The following NRIP1 variants were observed in gnomAD, a reference collection of about 807,000 sequenced individuals.
The protein encoded by NRIP1 is nuclear receptor-interacting protein 1.
A neutral mutation model predicts 75.0 loss-of-function variants in NRIP1; 28 were observed. The observed-to-expected ratio is 0.37, with a 90% CI of 0.28 to 0.51. The LOEUF is 0.51. Ranked by LOEUF, NRIP1 falls within the 20% of genes least tolerant of loss-of-function variation. NRIP1 has a pLI of 0.92. For synonymous variants in NRIP1, 526 were observed against 487.6 expected, an observed-to-expected ratio of 1.08 and a Z score of -1.04; for missense variants, 1,435 against 1,343.7, an observed-to-expected ratio of 1.07 and a Z score of -1.06.
At chr21:14,990,238 T>G (rs2087531859) in intron 3 of NRIP1, among the ~76,000 whole-genome samples, 1 of 152,200 alleles carries the variant, frequency 6.6e-6, no homozygotes, top group African/African-American at 2.4e-5. Context: ...TGGTTTATTT[T>G]CTTCTTTTCT....
At chr21:15,008,751 C>T (rs1262759525) in intron 3 of NRIP1, among the ~76,000 whole-genome samples, 2 of 152,204 alleles carry the variant, frequency 1.3e-5, no homozygotes, top group Non-Finnish European at 2.9e-5. Flanking sequence ...CAGCAGTCCT[C>T]AAAGGGTGGT....
chr21:14,966,090 A>T lies in NRIP1; in HGVS notation c.2103T>A (p.Ser701=). Residue 701 remains serine (S), a synonymous_variant, in exon 4 of 4, where the codon TCT becomes TCA. Coordinates refer to ENST00000318948, the MANE Select transcript of NRIP1 (RefSeq NM_003489.4). ...PTGPEPGLSG[S]EIENLLERRT... ...GTCTTTCAAGCAGATTTTCTATTTC[A>T]GAACCAGAAAGCCCTGGTTCAGGAC... 6.2e-7 allele frequency: 1 copy of T among 1,612,222 alleles called. No individual in the cohort carries two copies. The highest frequency in any genetic ancestry group is 1.1e-5 in the South Asian group (1 of 91,064).
intron 3 of NRIP1, among the ~76,000 whole-genome samples, chr21:14,993,307 A>T (rs1329953050): frequency 2.0e-5 from 3 of 152,054 alleles, no homozygotes; most frequent in Non-Finnish European, 4.4e-5. Flanking sequence ...TGTATTGGTT[A>T]CTCAGAGGAC....
intron 1 of NRIP1, among the ~76,000 whole-genome samples, chr21:15,060,638 C>G (rs1378593506): frequency 6.6e-6 from 1 of 152,014 alleles, no homozygotes; most frequent in African/African-American, 2.4e-5. Flanking sequence ...ATGCTGGTAC[C>G]CAATTTTGAT....
intron 3 of NRIP1, among the ~76,000 whole-genome samples, chr21:14,973,638 A>G (rs1317745812): frequency 6.6e-6 from 1 of 151,652 alleles, no homozygotes; most frequent in Non-Finnish European, 1.5e-5. Context: ...CTAAATTTTG[A>G]TTTCAGTATT....
chr21:14,962,182 T>A lies in NRIP1; in HGVS notation c.*2534A>T, dbSNP rs2086610619. The A allele has an allele frequency of 6.6e-6, 1 of 151,604 alleles. No individual in the cohort carries two copies. The highest frequency in any genetic ancestry group is 1.5e-5 in the Non-Finnish European group (1 of 67,808). The allele number at this position is 151,604 out of a possible 1,614,324, so 9.4% of individuals were successfully genotyped here. ...TATTAGAAGAAATTGTCTAGATATC[T>A]AAAATAGTCCTTGAAAATGTGTATA... is the stretch of plus-strand genomic sequence containing the variant. On this transcript the variant is annotated 3_prime_UTR_variant, in exon 4 of 4. Coordinates refer to ENST00000318948, the MANE Select transcript of NRIP1 (RefSeq NM_003489.4).
In NRIP1 at chr21:14,997,007, A is replaced by C. The variant is rs570365659; in HGVS notation, c.-335+17337T>G. Among the ~76,000 whole-genome samples, 22 of 152,250 alleles carry C rather than the reference A, an allele frequency of 1.4e-4. No homozygotes were observed. The South Asian group carries it at 4.3e-3, about 30-fold the overall frequency. ...ATAAAACTTCACTTAAACTCAAATCAAATCATAAGGCATTTCGGATATTTC... is the reference window on the plus strand; with the variant it reads ...ATAAAACTTCACTTAAACTCAAATCCAATCATAAGGCATTTCGGATATTTC... On this transcript the variant is annotated intron_variant, in intron 3 of 3. Transcript: ENST00000318948.
intron 1 of NRIP1, among the ~76,000 whole-genome samples, chr21:15,049,479 T>C (rs1168111263): frequency 6.6e-6 from 1 of 152,080 alleles, no homozygotes; most frequent in African/African-American, 2.4e-5. Context: ...TTTAGCTTTG[T>C]AAAATGCAAT....
chr21:15,057,774 T>C (rs531139078), intron 1 of NRIP1, among the ~76,000 whole-genome samples: 2 of 152,312 alleles, frequency 1.3e-5, no homozygotes, highest in Admixed American at 1.3e-4. Context: ...TCAGACTAGG[T>C]TTCCTTATCT....
chr21:15,008,896 T>C (rs139703694), intron 3 of NRIP1, among the ~76,000 whole-genome samples: 19 of 152,342 alleles, frequency 1.2e-4, no homozygotes, highest in African/African-American at 4.3e-4. Flanking sequence ...AGAGGCTATA[T>C]ACATGGAATG....
intron 1 of NRIP1, among the ~76,000 whole-genome samples, chr21:15,061,120 G>T (rs2089414410): frequency 6.6e-6 from 1 of 152,130 alleles, no homozygotes. Flanking sequence ...CTCATATCCT[G>T]CAAGACCCTA....
At chr21:15,025,383 G>C (rs1429519605) in intron 2 of NRIP1, among the ~76,000 whole-genome samples, 1 of 152,136 alleles carries the variant, frequency 6.6e-6, no homozygotes, top group Non-Finnish European at 1.5e-5. Flanking sequence ...ATGTCAAAAA[G>C]ATACTGAAGG....
At chr21:14,973,043 T>A (rs1482791550) in intron 3 of NRIP1, among the ~76,000 whole-genome samples, 2 of 152,232 alleles carry the variant, frequency 1.3e-5, no homozygotes, top group African/African-American at 4.8e-5. Context: ...TTGAATCCTC[T>A]GGTTTGTTAT....
At chr21:14,972,962 G>A (rs903903077) in intron 3 of NRIP1, among the ~76,000 whole-genome samples, 6 of 152,176 alleles carry the variant, frequency 3.9e-5, no homozygotes, top group Non-Finnish European at 7.3e-5. Flanking sequence ...GCTTGGCCTG[G>A]GGGTTGGGAA....
At chr21:14,999,187 G>C (rs1244421392) in intron 3 of NRIP1, among the ~76,000 whole-genome samples, 1 of 152,012 alleles carries the variant, frequency 6.6e-6, no homozygotes, top group Admixed American at 6.6e-5. Flanking sequence ...ATGGTGCCCA[G>C]ACTGATCTTG....
At chr21:15,031,427 ACT>A (rs1568994220) in intron 2 of NRIP1, among the ~76,000 whole-genome samples, 1 of 125,024 alleles carries the variant, frequency 8.0e-6, no homozygotes, top group African/African-American at 3.1e-5. Context: ...ATGTGTATAC[ACT>A]CTGGAAGGCG....
chr21:14,975,798 G>A (rs1478863862), intron 3 of NRIP1, among the ~76,000 whole-genome samples: 1 of 151,604 alleles, frequency 6.6e-6, no homozygotes, highest in Non-Finnish European at 1.5e-5. Flanking sequence ...TTTTTTTAAA[G>A]GACAGTTGGG....
chr21:14,968,528 TA>T lies in NRIP1; in HGVS notation c.-334-3del, dbSNP rs1193018356. On this transcript the variant is annotated splice_polypyrimidine_tract_variant and splice_region_variant and intron_variant, in intron 3 of 3. Coordinates refer to ENST00000318948, the MANE Select transcript of NRIP1 (RefSeq NM_003489.4). ...CCATTAAATGCAAATATCAGTGTTC[TA>T]AAAAAAATAAAAATAAGAATAGTTA... 15 of 202,288 alleles carry T rather than the reference TA, an allele frequency of 7.4e-5. No individual in the cohort carries two copies. Among genetic ancestry groups the T allele is most frequent in the East Asian group, 2.7e-4 (2 of 7,378 alleles). 12.5% of individuals were successfully genotyped at this position (202,288 alleles called of 1,614,324 possible).
chr21:14,967,183 A>G lies in NRIP1; in HGVS notation c.1010T>C (p.Met337Thr). The G allele has an allele frequency of 5.6e-6, 9 of 1,614,106 alleles. No homozygotes were observed. The highest frequency in any genetic ancestry group is 7.6e-6 in the Non-Finnish European group (9 of 1,179,988). The change falls in exon 4 of 4, where the codon ATG becomes ACG. Residue 337 changes from methionine (M) to threonine (T), a missense_variant. By Grantham distance (81) the Met-to-Thr change is moderately conservative. Transcript: ENST00000318948. ...CACTGTAGCACTACTTTTGCTAGCCATCAGTTTGCTTGATGATGTTCTTGC... is the reference window on the plus strand; with the variant it reads ...CACTGTAGCACTACTTTTGCTAGCCGTCAGTTTGCTTGATGATGTTCTTGC... ...GQARTSSSKL[M>T]ASKSSATVFQ...
Sources: allele counts gnomAD v4.1 joint callset (sites outside exome capture counted in the v4.1 genomes callset), GRCh38; gene constraint gnomAD v4.1.1; transcripts MANE v1.5; gene names NCBI Gene and HGNC (gene_info 2026-07-23, HGNC 2026-07-21).